BRCA1: variants seen among roughly 807,000 people sequenced by gnomAD.
BRCA1 encodes BRCA1 DNA repair associated, also known as breast cancer type 1 susceptibility protein.
A neutral mutation model predicts 173.7 loss-of-function variants in BRCA1; 140 were observed. The ratio of observed to expected loss-of-function variants is 0.81; its 90% confidence interval spans 0.70 to 0.93. The LOEUF is 0.93. Among genes scored for constraint, BRCA1 ranks in the 40% least tolerant of loss-of-function variants. BRCA1 has a pLI of 0.00. For synonymous variants in BRCA1, 662 were observed against 756.0 expected, an observed-to-expected ratio of 0.88 and a Z score of 2.04; for missense variants, 1,983 against 2,172.5, an observed-to-expected ratio of 0.91 and a Z score of 1.73.
In BRCA1 at chr17:43,094,762, G is replaced by T. The variant is rs1597880077; in HGVS notation, c.769C>A (p.His257Asn). ...GAACTACCCTGATACTTTTCTGGAT[G>T]CCTCTCAGCTGCACGCTTCTCAGTG... is the stretch of plus-strand genomic sequence containing the variant. Reference protein sequence around the residue: ...NTTEKRAAERHPEKYQGSSVS... With the variant: ...NTTEKRAAERNPEKYQGSSVS... Residue 257 changes from histidine (H) to asparagine (N), a missense_variant, in exon 10 of 23, where the codon CAT becomes AAT. By Grantham distance (68) the His-to-Asn change is moderately conservative. Transcript: ENST00000357654. 1 of 1,610,118 alleles carries T rather than the reference G, an allele frequency of 6.2e-7. No individual in the cohort carries two copies.
chr17:43,134,409 T>G (rs2055998752), intron 1 of BRCA1, among the ~76,000 whole-genome samples: 1 of 152,082 alleles, frequency 6.6e-6, no homozygotes, highest in South Asian at 2.1e-4. Context: ...GACAAGAGAT[T>G]ACCGAGGGGT....
rs561954959 is a variant in BRCA1, at chr17:43,045,023, C to T, written c.*655G>A. The T allele has an allele frequency of 1.2e-4, 61 of 501,336 alleles. No homozygotes were observed. Among genetic ancestry groups the T allele is most frequent in the African/African-American group, 9.6e-4 (50 of 51,978 alleles). 31.1% of individuals were successfully genotyped at this position (501,336 alleles called of 1,614,324 possible). The stretch of plus-strand genomic sequence containing the variant: ...TTCACCATGTTGGCCAGGCTGGTTT[C>T]GAACTCCTGACCTCCAGTGATCTGC... On this transcript the variant is annotated 3_prime_UTR_variant, in exon 23 of 23. Coordinates refer to ENST00000357654, the MANE Select transcript of BRCA1 (RefSeq NM_007294.4).
At chr17:43,082,316 T>G in intron 12 of BRCA1, 88 bp downstream of exon 12, 1 of 1,376,646 alleles carries the variant, frequency 7.3e-7, no homozygotes, top group South Asian at 1.3e-5. Context: ...CATAAAATGT[T>G]GGAGCTAGGT....
chr17:43,061,434 CTTAG>C (rs753135913), intron 18 of BRCA1, among the ~76,000 whole-genome samples: 6 of 152,104 alleles, frequency 3.9e-5, no homozygotes, highest in Non-Finnish European at 7.4e-5. Flanking sequence ...CTACCAGGGA[CTTAG>C]TTAGTCTTAT....
At chr17:43,132,625 C>A (rs1168223410) in intron 1 of BRCA1, 5 of 152,010 alleles carry the variant, frequency 3.3e-5, no homozygotes, top group African/African-American at 1.2e-4. Context: ...TGTCACCAGG[C>A]TGGAGTGCAG....
At chr17:43,164,327 G>T (rs956321085) in intron 1 of BRCA1, 1 of 152,174 alleles carries the variant, frequency 6.6e-6, no homozygotes, top group African/African-American at 2.4e-5. Context: ...TGGCACTGGG[G>T]TCTTTATCGA....
chr17:43,156,565 T>C (rs948925367), intron 1 of BRCA1, among the ~76,000 whole-genome samples: 2 of 152,150 alleles, frequency 1.3e-5, no homozygotes, highest in Non-Finnish European at 2.9e-5. Flanking sequence ...CCAATGTGGG[T>C]ATTATTACTG....
At chr17:43,062,624 A>T (rs1023943066) in intron 18 of BRCA1, among the ~76,000 whole-genome samples, 1 of 151,596 alleles carries the variant, frequency 6.6e-6, no homozygotes, top group African/African-American at 2.4e-5. Context: ...TTTAAGACGG[A>T]GTCTCGCTCT....
At chr17:43,113,433 C>T (rs999058361) in intron 3 of BRCA1, among the ~76,000 whole-genome samples, 1 of 151,980 alleles carries the variant, frequency 6.6e-6, no homozygotes, top group African/African-American at 2.4e-5. Context: ...TTGGCATGAT[C>T]TCGGCTCAGG....
intron 18 of BRCA1, among the ~76,000 whole-genome samples, 165 bp from the exon 19 acceptor site, chr17:43,057,300 A>G (rs867378286): frequency 2.9e-4 from 44 of 152,172 alleles, no homozygotes; most frequent in African/African-American, 1.0e-3. Context: ...ACTTGAGGTC[A>G]GGAGTTCGAC....
At chr17:43,165,670 C>T (rs987956101) in intron 1 of BRCA1, 1 of 151,738 alleles carries the variant, frequency 6.6e-6, no homozygotes, top group African/African-American at 2.4e-5. Context: ...TAATTTGTTT[C>T]AGGACAAGAA....
chr17:43,137,852 G>A (rs367734191), intron 1 of BRCA1, among the ~76,000 whole-genome samples: 2 of 151,930 alleles, frequency 1.3e-5, no homozygotes, highest in South Asian at 2.1e-4. Flanking sequence ...ACTCCAGCCT[G>A]GGTGACAGAG....
chr17:43,134,272 C>A (rs2055997302), intron 1 of BRCA1, among the ~76,000 whole-genome samples: 1 of 152,186 alleles, frequency 6.6e-6, no homozygotes, highest in Non-Finnish European at 1.5e-5. Context: ...ATGATCCATG[C>A]TTTAAGAGCT....
At position 43,081,018 on chromosome 17, in the gene BRCA1, A is replaced by G. The variant is rs77473713; in HGVS notation, c.4357+1386T>C. ...TTGGTATTAAGTTGTGATATCCAAA[A>G]CAATTCAGAAATTAAGCATTTCAGT... On this transcript the variant is annotated intron_variant, in intron 12 of 22. Coordinates refer to ENST00000357654, the MANE Select transcript of BRCA1 (RefSeq NM_007294.4). 0.01 allele frequency among the ~76,000 whole-genome samples: 1,557 copies of G among 152,358 alleles called. 23 individuals carry two copies. Among genetic ancestry groups the G allele is most frequent in the African/African-American group, 0.033 (1,386 of 41,582 alleles).
At chr17:43,110,782 G>T (rs1021125435) in intron 3 of BRCA1, among the ~76,000 whole-genome samples, 2 of 151,922 alleles carry the variant, frequency 1.3e-5, no homozygotes, top group Admixed American at 6.6e-5. Context: ...GACCAGCTTG[G>T]TCAACATGGT....
intron 1 of BRCA1, chr17:43,138,413 G>C (rs1386837485): frequency 7.1e-6 from 4 of 561,246 alleles, no homozygotes; most frequent in East Asian, 3.1e-5. Context: ...TGTGTCACCT[G>C]CTGCCCAGCT....
chr17:43,120,355 C>G (rs191351866), intron 2 of BRCA1, among the ~76,000 whole-genome samples: 42 of 152,340 alleles, frequency 2.8e-4, no homozygotes, highest in African/African-American at 8.4e-4. Flanking sequence ...ATGATCATTC[C>G]TGATCACATA....
chr17:43,139,303 A>G (rs1228052139), intron 1 of BRCA1, among the ~76,000 whole-genome samples: 1 of 151,078 alleles, frequency 6.6e-6, no homozygotes, highest in African/African-American at 2.4e-5. Context: ...AACTTGTGTC[A>G]CATGGGTTTG....
At chr17:43,083,312 C>T (rs183256264) in intron 11 of BRCA1, among the ~76,000 whole-genome samples, 8 of 152,062 alleles carry the variant, frequency 5.3e-5, no homozygotes, top group Admixed American at 1.3e-4. Flanking sequence ...CTTGCCAAGA[C>T]GCCCGGCTAA....
Sources: allele counts gnomAD v4.1 joint callset (sites outside exome capture counted in the v4.1 genomes callset), GRCh38; gene constraint gnomAD v4.1.1; transcripts MANE v1.5; gene names NCBI Gene and HGNC (gene_info 2026-07-23, HGNC 2026-07-21).